Variants in SMAP1 observed in about 807,000 individuals in gnomAD.
The protein encoded by SMAP1 is stromal membrane-associated protein 1.
A neutral mutation model predicts 58.5 loss-of-function variants in SMAP1; 24 were observed. That is an observed-to-expected ratio of 0.41 (90% CI 0.30 to 0.58). The LOEUF is 0.58. Ranked by LOEUF, SMAP1 falls within the 20% of genes least tolerant of loss-of-function variation. The probability of loss-of-function intolerance (pLI) is 0.29; values close to 1 mark genes in which losing one functional copy is unlikely to be tolerated. For missense variants in SMAP1, 563 were observed against 566.3 expected, an observed-to-expected ratio of 0.99 and a Z score of 0.06; for synonymous variants, 216 against 196.6, an observed-to-expected ratio of 1.10 and a Z score of -0.82.
intron 7 of SMAP1, among the ~76,000 whole-genome samples, chr6:70,848,297 A>G (rs919121857): frequency 1.3e-5 from 2 of 152,232 alleles, no homozygotes; most frequent in African/African-American, 4.8e-5. Context: ...TGGTGTCAGT[A>G]CAGGATAGTG....
In SMAP1 at chr6:70,860,401, CCT is replaced by C. The variant is rs767567557; in HGVS notation, c.*68_*69del. ...TCCTTGCTGAAACGCATCTAGTTCC[CCT>C]GTTTATTCATATGCATATTTTTTTT... On this transcript the variant is annotated 3_prime_UTR_variant, in exon 11 of 11. Transcript: ENST00000370455. 2.7e-5 allele frequency: 42 copies of C among 1,533,440 alleles called. No individual in the cohort carries two copies. The highest frequency in any genetic ancestry group is 5.6e-5 in the African/African-American group (4 of 71,836). The allele number at this position is 1,533,440 out of a possible 1,614,324, so 95.0% of individuals were successfully genotyped here. A position where few individuals can be genotyped will look rare whatever the true frequency, so the allele number is the denominator to read the frequency against.
chr6:70,733,036 A>G lies in SMAP1; in HGVS notation c.252+525A>G, dbSNP rs140812137. Reference sequence around the variant, plus strand: ...AGATTTGTAGTTTTAAAAGTTTGCCATTTTCCCAATGTGACAGTCTTAAAT... The same window carrying G: ...AGATTTGTAGTTTTAAAAGTTTGCCGTTTTCCCAATGTGACAGTCTTAAAT... On this transcript the variant is annotated intron_variant, in intron 2 of 10. Transcript: ENST00000370455. Among the ~76,000 whole-genome samples the G allele has an allele frequency of 3.3e-5, 5 of 152,258 alleles. No homozygotes were observed. In the East Asian group the frequency reaches 7.7e-4, roughly 23 times the overall value.
intron 8 of SMAP1, among the ~76,000 whole-genome samples, chr6:70,853,252 G>A (rs2180733): frequency 0.023 from 3,554 of 151,420 alleles, 51 homozygotes; most frequent in Non-Finnish European, 0.037. Flanking sequence ...AATAATGATC[G>A]GGATATTTTA....
At chr6:70,859,369 G>C in intron 10 of SMAP1, 1 of 1,549,212 alleles carries the variant, frequency 6.5e-7, no homozygotes, top group East Asian at 2.4e-5. Context: ...CACTCCATCA[G>C]TGCAATCTAC....
At chr6:70,684,901 T>A (rs1470845139) in intron 1 of SMAP1, among the ~76,000 whole-genome samples, 3 of 152,192 alleles carry the variant, frequency 2.0e-5, no homozygotes, top group African/African-American at 7.2e-5. Flanking sequence ...TTTTGAAGGC[T>A]CAGCTCTCCC....
In SMAP1 at chr6:70,861,818, T is replaced by A; in HGVS notation, c.*1484T>A. On this transcript the variant is annotated 3_prime_UTR_variant, in exon 11 of 11. Transcript: ENST00000370455. ...GACACTCGAGGTCGGGCAGCACAAG[T>A]GTAATGAATACCTTAGTGCAGTTAT... 6.2e-7 allele frequency: 1 copy of A among 1,614,064 alleles called. No homozygotes were observed. The highest frequency in any genetic ancestry group is 8.5e-7 in the Non-Finnish European group (1 of 1,179,964).
intron 1 of SMAP1, among the ~76,000 whole-genome samples, chr6:70,720,725 G>A (rs1183827796): frequency 6.6e-6 from 1 of 152,268 alleles, no homozygotes; most frequent in Non-Finnish European, 1.5e-5. Context: ...AAGGTTTGGG[G>A]CTTCCACCCT....
chr6:70,757,138 C>G (rs1483979774), intron 3 of SMAP1, among the ~76,000 whole-genome samples: 1 of 151,830 alleles, frequency 6.6e-6, no homozygotes, highest in Non-Finnish European at 1.5e-5. Context: ...GCTACAGTAA[C>G]CAAAACAGCA....
At chr6:70,763,861 A>C (rs1582135630) in intron 3 of SMAP1, among the ~76,000 whole-genome samples, 1 of 152,160 alleles carries the variant, frequency 6.6e-6, no homozygotes, top group Non-Finnish European at 1.5e-5. Context: ...AGTGATGAGG[A>C]AGCCTCAGAT....
rs1411088893 is a variant in SMAP1 at position 70,772,183 on chromosome 6, G to A, written c.339-1167G>A. Among the ~76,000 whole-genome samples, 17 of 152,240 alleles carry A rather than the reference G, an allele frequency of 1.1e-4. No homozygotes were observed. The East Asian group carries it at 1.4e-3, about 12-fold the overall frequency. ...GGAAAGTCTACACAGACAGTGGCTC[G>A]GGTAGAAATAAATTTTTTGTTTCAT... On this transcript the variant is annotated intron_variant, in intron 3 of 10. Transcript: ENST00000370455.
At chr6:70,832,575 G>C (rs544864551) in intron 6 of SMAP1, among the ~76,000 whole-genome samples, 1 of 152,134 alleles carries the variant, frequency 6.6e-6, no homozygotes. Flanking sequence ...GAATAGCACA[G>C]ACTCATTTAT....
intron 6 of SMAP1, among the ~76,000 whole-genome samples, chr6:70,831,751 A>G (rs997117917): frequency 6.6e-6 from 1 of 152,188 alleles, no homozygotes; most frequent in African/African-American, 2.4e-5. Flanking sequence ...TATTTATGGT[A>G]GAACAATTTT....
chr6:70,850,600 C>A (rs185226404), intron 7 of SMAP1, among the ~76,000 whole-genome samples: 99 of 151,638 alleles, frequency 6.5e-4, no homozygotes, highest in African/African-American at 2.2e-3. Context: ...AAAGTGCTTC[C>A]TCAATTCATG....
chr6:70,795,244 T>C (rs1158029206), intron 5 of SMAP1, among the ~76,000 whole-genome samples: 2 of 152,224 alleles, frequency 1.3e-5, no homozygotes, highest in East Asian at 1.9e-4. Flanking sequence ...ATTTCATATG[T>C]GCCCACCAAT....
At chr6:70,812,472 G>C (rs1313118693) in intron 6 of SMAP1, among the ~76,000 whole-genome samples, 1 of 152,162 alleles carries the variant, frequency 6.6e-6, no homozygotes, top group Non-Finnish European at 1.5e-5. Context: ...TTGGCCTGTA[G>C]CCGTACACTT....
chr6:70,784,516 TAA>T (rs1767913881), intron 4 of SMAP1, among the ~76,000 whole-genome samples: 1 of 152,088 alleles, frequency 6.6e-6, no homozygotes, highest in African/African-American at 2.4e-5. Flanking sequence ...GCAAAATGGA[TAA>T]AGAGTCAAGA....
At chr6:70,800,287 C>A (rs1295448364) in intron 6 of SMAP1, among the ~76,000 whole-genome samples, 1 of 151,408 alleles carries the variant, frequency 6.6e-6, no homozygotes, top group Non-Finnish European at 1.5e-5. Context: ...CAGCAAGACA[C>A]CCTTTAAAAA....
chr6:70,795,568 T>G (rs1320111567), intron 5 of SMAP1, among the ~76,000 whole-genome samples: 4 of 152,132 alleles, frequency 2.6e-5, no homozygotes, highest in African/African-American at 9.7e-5. Flanking sequence ...TCATGAAGGT[T>G]TCATCCTCAT....
chr6:70,786,922 C>G (rs1768064163), intron 4 of SMAP1, among the ~76,000 whole-genome samples: 1 of 152,172 alleles, frequency 6.6e-6, no homozygotes, highest in Non-Finnish European at 1.5e-5. Flanking sequence ...CTACCACTGA[C>G]TTTCTTCACA....
Sources: allele counts gnomAD v4.1 joint callset (sites outside exome capture counted in the v4.1 genomes callset), GRCh38; gene constraint gnomAD v4.1.1; transcripts MANE v1.5; gene names NCBI Gene and HGNC (gene_info 2026-07-23, HGNC 2026-07-21).